TEAD1: variants seen among roughly 807,000 people sequenced by gnomAD.
TEAD1 encodes the protein transcriptional enhancer factor TEF-1.
In TEAD1, 9 loss-of-function variants were observed where a neutral mutation model predicts 54.9. The ratio of observed to expected loss-of-function variants is 0.16; its 90% CI spans 0.10 to 0.29. TEAD1 has a LOEUF of 0.29. Ranked by LOEUF, TEAD1 falls within the 10% of genes least tolerant of loss-of-function variation. The pLI, the probability that TEAD1 is intolerant of heterozygous loss-of-function variation, is 1.00. For missense variants in TEAD1, 387 were observed against 535.9 expected (o/e 0.72, Z 2.74); for synonymous variants, 200 against 187.8 (o/e 1.07, Z -0.53).
At chr11:12,829,226 A>G (rs891175247) in intron 3 of TEAD1, among the ~76,000 whole-genome samples, 17 of 152,190 alleles carry the variant, frequency 1.1e-4, no homozygotes, top group Admixed American at 3.9e-4. Flanking sequence ...CATATTTACC[A>G]TACCATTGAA....
intron 3 of TEAD1, among the ~76,000 whole-genome samples, chr11:12,783,122 G>GTGTA (rs936918986): frequency 6.6e-6 from 1 of 150,604 alleles, no homozygotes; most frequent in African/African-American, 2.5e-5. Flanking sequence ...GTGTGTGTGT[G>GTGTA]TGTGTGTGTG....
intron 9 of TEAD1, among the ~76,000 whole-genome samples, chr11:12,888,853 A>G (rs1948141242): frequency 6.6e-6 from 1 of 152,228 alleles, no homozygotes; most frequent in Admixed American, 6.5e-5. Context: ...GATAGTGACC[A>G]AAAGGCTATA....
chr11:12,892,614 A>G lies in TEAD1; in HGVS notation c.700-9326A>G, dbSNP rs552013136. 2.6e-5 allele frequency among the ~76,000 whole-genome samples: 4 copies of G among 152,332 alleles called. No individual in the cohort carries two copies. The South Asian group carries it at 8.3e-4, about 32-fold the overall frequency. ...AGCTGAGATCGCGCCATTGCTCTCC[A>G]GCCTGGGCAACAGAGGAGACTCTGT... On this transcript the variant is annotated intron_variant, in intron 9 of 12. Coordinates refer to ENST00000527636, the MANE Select transcript of TEAD1 (RefSeq NM_021961.6).
chr11:12,852,876 TGACACATGAAGTAAAGAACTATGAGACCA>T (rs1947304031), intron 3 of TEAD1, among the ~76,000 whole-genome samples: 1 of 152,212 alleles, frequency 6.6e-6, no homozygotes, highest in African/African-American at 2.4e-5. Context: ...GGCGGTTCCC[TGACACATGAAGTAAAGAACTATGAGACCA>T]GGACAGAATG....
intron 3 of TEAD1, among the ~76,000 whole-genome samples, chr11:12,846,652 G>T (rs1027596545): frequency 6.6e-6 from 1 of 152,154 alleles, no homozygotes; most frequent in Non-Finnish European, 1.5e-5. Context: ...CGTTTGTCCA[G>T]TTCATTCTTA....
At chr11:12,916,661 T>C (rs932250838) in intron 10 of TEAD1, among the ~76,000 whole-genome samples, 2 of 152,232 alleles carry the variant, frequency 1.3e-5, no homozygotes, top group Non-Finnish European at 2.9e-5. Flanking sequence ...TGATTCCAAA[T>C]CTCTCACTTC....
intron 2 of TEAD1, among the ~76,000 whole-genome samples, chr11:12,724,256 G>A (rs147914929): frequency 1.2e-3 from 188 of 152,262 alleles, no homozygotes; most frequent in African/African-American, 4.3e-3. Context: ...CCCACTATGC[G>A]CATAGTAGGA....
chr11:12,758,806 G>A (rs1945043857), intron 2 of TEAD1, among the ~76,000 whole-genome samples: 2 of 152,150 alleles, frequency 1.3e-5, no homozygotes, highest in Non-Finnish European at 2.9e-5. Flanking sequence ...GCCTCCCAAA[G>A]TGCTGGGATT....
intron 2 of TEAD1, among the ~76,000 whole-genome samples, chr11:12,705,566 T>C (rs1943796323): frequency 1.3e-5 from 2 of 152,096 alleles, no homozygotes; most frequent in Non-Finnish European, 2.9e-5. Context: ...CTTCCAACAC[T>C]TGACACATAG....
intron 3 of TEAD1, among the ~76,000 whole-genome samples, chr11:12,813,305 A>G (rs534040786): frequency 6.6e-6 from 1 of 152,320 alleles, no homozygotes; most frequent in South Asian, 2.1e-4. Context: ...TGGCAGTGCC[A>G]TCTTCCAATC....
intron 10 of TEAD1, among the ~76,000 whole-genome samples, chr11:12,920,591 G>T (rs1181367125): frequency 6.6e-6 from 1 of 152,144 alleles, no homozygotes; most frequent in Non-Finnish European, 1.5e-5. Flanking sequence ...TCCTGCCTCA[G>T]CCTCCTGAGT....
At chr11:12,926,775 G>C (rs1303005716) in intron 11 of TEAD1, among the ~76,000 whole-genome samples, 1 of 152,184 alleles carries the variant, frequency 6.6e-6, no homozygotes, top group Non-Finnish European at 1.5e-5. Context: ...ACAAAAATGA[G>C]TGGGGAGGGC....
intron 3 of TEAD1, among the ~76,000 whole-genome samples, chr11:12,783,943 G>A (rs1420584331): frequency 6.6e-6 from 1 of 152,128 alleles, no homozygotes; most frequent in Non-Finnish European, 1.5e-5. Context: ...CAGGAAGGGG[G>A]GATGGGAGCC....
intron 3 of TEAD1, among the ~76,000 whole-genome samples, chr11:12,855,534 T>C (rs921519348): frequency 6.6e-6 from 1 of 152,098 alleles, no homozygotes; most frequent in Non-Finnish European, 1.5e-5. Context: ...GTGATCCACC[T>C]GCCTTGGCCT....
intron 3 of TEAD1, among the ~76,000 whole-genome samples, chr11:12,839,813 C>T (rs1222144875): frequency 6.6e-6 from 1 of 151,980 alleles, no homozygotes; most frequent in African/African-American, 2.4e-5. Flanking sequence ...TAGTAGGGGA[C>T]TATATGATAG....
intron 5 of TEAD1, among the ~76,000 whole-genome samples, chr11:12,867,439 CAG>C (rs1199630924): frequency 6.6e-6 from 1 of 152,168 alleles, no homozygotes; most frequent in Non-Finnish European, 1.5e-5. Flanking sequence ...GTCCTGGAGA[CAG>C]AGCTGCTTGG....
chr11:12,920,372 T>C (rs1948782168), intron 10 of TEAD1, among the ~76,000 whole-genome samples: 1 of 152,232 alleles, frequency 6.6e-6, no homozygotes, highest in Non-Finnish European at 1.5e-5. Flanking sequence ...AGATTATTTT[T>C]TCTGTTTTAA....
At chr11:12,865,195 A>G in intron 5 of TEAD1, 3 of 446,992 alleles carry the variant, frequency 6.7e-6, no homozygotes, top group Non-Finnish European at 1.2e-5. Flanking sequence ...CAGCACAGAA[A>G]CATGATTTTT....
chr11:12,813,037 C>T (rs1004680246), intron 3 of TEAD1, among the ~76,000 whole-genome samples: 11 of 152,226 alleles, frequency 7.2e-5, no homozygotes, highest in African/African-American at 2.7e-4. Flanking sequence ...TGTCCAGATG[C>T]TCCTAGTGAA....
Sources: allele counts gnomAD v4.1 joint callset (sites outside exome capture counted in the v4.1 genomes callset), GRCh38; gene constraint gnomAD v4.1.1; transcripts MANE v1.5; gene names NCBI Gene and HGNC (gene_info 2026-07-23, HGNC 2026-07-21).